The following PPP6R2 variants were observed in gnomAD, a reference collection of about 807,000 sequenced individuals.
PPP6R2 encodes the protein serine/threonine-protein phosphatase 6 regulatory subunit 2.
PPP6R2 carries 62 observed loss-of-function variants against 100.2 expected under a neutral mutation model. The observed-to-expected ratio is 0.62, with a 90% CI of 0.50 to 0.76. PPP6R2 has a LOEUF of 0.76. Ranked by LOEUF, PPP6R2 falls within the 30% of genes least tolerant of loss-of-function variation. The pLI is 0.00. For missense variants in PPP6R2, 1,142 were observed against 1,276.3 expected, an observed-to-expected ratio of 0.89 and a Z score of 1.60; for synonymous variants, 525 against 514.7, an observed-to-expected ratio of 1.02 and a Z score of -0.27.
At chr22:50,443,336 GC>G in intron 22 of PPP6R2, 1 of 152,956 alleles carries the variant, frequency 6.5e-6, no homozygotes, top group South Asian at 2.1e-4. Context: ...GAGCTTCCTC[GC>G]GCCCCCGCCT....
the PPP6R2 span, among the ~76,000 whole-genome samples, chr22:50,331,030 T>C: frequency 6.6e-6 from 1 of 152,180 alleles, no homozygotes; most frequent in Non-Finnish European, 1.5e-5. Flanking sequence ...CCATGACGTG[T>C]GTGGGGACCT....
rs1002228889 is a variant in PPP6R2, at chr22:50,432,360, G to A, written c.1400+31G>A. On this transcript the variant is annotated intron_variant, in intron 12 of 23. Transcript: ENST00000612753. Reference sequence around the variant, plus strand: ...AGCCGCTCGGACGTGGAGGGACCCAGCCTGGCCAGTCAGGGATGCAGAGAC... The same window carrying A: ...AGCCGCTCGGACGTGGAGGGACCCAACCTGGCCAGTCAGGGATGCAGAGAC... 3 of 1,537,302 alleles carry A rather than the reference G, an allele frequency of 2.0e-6. No homozygotes were observed. In the South Asian group the frequency reaches 3.6e-5, roughly 18 times the overall value.
At position 50,393,474 on chromosome 22, in the gene PPP6R2, T is replaced by C. The variant is rs561033787; in HGVS notation, c.-16-419T>C. The C allele has an allele frequency of 1.3e-5, 13 of 984,068 alleles. No homozygotes were observed. In the Admixed American group the frequency reaches 7.5e-4, roughly 56 times the overall value. The allele number at this position is 984,068 out of a possible 1,614,324, so 61.0% of individuals were successfully genotyped here. ...GGAGAGACACCTGGGCGCATTCGCC[T>C]AACAGAACTACAGAGCAAGCAAGAG... On this transcript the variant is annotated intron_variant, in intron 2 of 23. Coordinates refer to ENST00000612753, the MANE Select transcript of PPP6R2 (RefSeq NM_001242898.2).
intron 4 of PPP6R2, among the ~76,000 whole-genome samples, chr22:50,409,706 G>A (rs940837071): frequency 2.0e-5 from 3 of 152,214 alleles, no homozygotes; most frequent in East Asian, 1.9e-4. Flanking sequence ...GATTACAGGC[G>A]TAAGCCACCG....
At chr22:50,399,579 A>G (rs2057694465) in intron 3 of PPP6R2, among the ~76,000 whole-genome samples, 1 of 152,232 alleles carries the variant, frequency 6.6e-6, no homozygotes, top group Non-Finnish European at 1.5e-5. Context: ...ACTCTTCTTG[A>G]AAGTGGAGAA....
intron 1 of PPP6R2, among the ~76,000 whole-genome samples, chr22:50,364,716 CAG>C (rs1375730236): frequency 1.3e-5 from 2 of 152,106 alleles, no homozygotes; most frequent in Admixed American, 6.5e-5. Context: ...GCATTCCAGT[CAG>C]AGGGTCTGTG....
chr22:50,365,038 C>T lies in PPP6R2; in HGVS notation c.-147-6982C>T, dbSNP rs28651973. On this transcript the variant is annotated intron_variant, in intron 1 of 23. Coordinates refer to ENST00000612753, the MANE Select transcript of PPP6R2 (RefSeq NM_001242898.2). ...TATATCTTCCATGTCTTTACTTAAT[C>T]TTTCCTTTAGGTTCTTGAACATATG... 4.3e-3 allele frequency among the ~76,000 whole-genome samples: 640 copies of T among 147,172 alleles called. 4 individuals carry two copies. Among genetic ancestry groups the T allele is most frequent in the African/African-American group, 0.015 (600 of 40,132 alleles).
intron 4 of PPP6R2, 137 bp from the exon 5 acceptor site, chr22:50,414,415 A>T: frequency 1.2e-6 from 1 of 843,846 alleles, no homozygotes; most frequent in Non-Finnish European, 1.7e-6. Context: ...GGGCTTTCTT[A>T]CAATCTTGTC....
rs576177839 is a variant in PPP6R2 at position 50,374,731 on chromosome 22, C to T, written c.-17+2581C>T. Reference sequence around the variant, plus strand: ...GAGATTGAGACCATCTTTGCTAATACGGTGAAACCCCGTGTCTACTAAAAA... The same window carrying T: ...GAGATTGAGACCATCTTTGCTAATATGGTGAAACCCCGTGTCTACTAAAAA... On this transcript the variant is annotated intron_variant, in intron 2 of 23. Transcript: ENST00000612753. 1.1e-4 allele frequency among the ~76,000 whole-genome samples: 17 copies of T among 151,986 alleles called. 1 individual carries two copies. The South Asian group carries it at 3.3e-3, about 30-fold the overall frequency.
chr22:50,406,450 A>T (rs1190939753), intron 3 of PPP6R2, among the ~76,000 whole-genome samples: 1 of 152,218 alleles, frequency 6.6e-6, no homozygotes, highest in East Asian at 1.9e-4. Context: ...TAGGGTCAGA[A>T]AATGTCAGAT....
chr22:50,405,751 T>C (rs1208599569), intron 3 of PPP6R2, among the ~76,000 whole-genome samples: 9 of 63,666 alleles, frequency 1.4e-4, no homozygotes, highest in Non-Finnish European at 1.8e-4. Context: ...GCCTGGCAGG[T>C]GAGTGTGAAG....
chr22:50,438,134 C>T (rs368570982), intron 17 of PPP6R2, 40 bp from the exon 18 acceptor site: 14 of 1,591,116 alleles, frequency 8.8e-6, no homozygotes, highest in Non-Finnish European at 1.2e-5. Context: ...CTGTCTCCCC[C>T]AGACCCTCTG....
chr22:50,370,140 C>T (rs535714076), intron 1 of PPP6R2, among the ~76,000 whole-genome samples: 3 of 141,326 alleles, frequency 2.1e-5, no homozygotes, highest in South Asian at 2.2e-4. Flanking sequence ...CGACAGTGAT[C>T]GACACTTTTT....
In PPP6R2 at chr22:50,434,952, C is replaced by T; in HGVS notation, c.1401-14C>T. ...GGGCCAGGAGGCCGCCCCGATGGTG[C>T]CTGTTGCTTTCAGGGCAGCGGGTGG... On this transcript the variant is annotated splice_polypyrimidine_tract_variant and intron_variant, in intron 12 of 23. Coordinates refer to ENST00000612753, the MANE Select transcript of PPP6R2 (RefSeq NM_001242898.2). 1 of 1,597,496 alleles carries T rather than the reference C, an allele frequency of 6.3e-7. No individual in the cohort carries two copies. Among genetic ancestry groups the T allele is most frequent in the African/African-American group, 1.3e-5 (1 of 74,852 alleles).
chr22:50,350,499 T>C (rs778480285), intron 1 of PPP6R2, among the ~76,000 whole-genome samples: 3 of 151,692 alleles, frequency 2.0e-5, no homozygotes, highest in Non-Finnish European at 4.4e-5. Flanking sequence ...CCAAAGTTGC[T>C]GGGATTACAG....
chr22:50,429,339 A>G (rs1470867248), intron 10 of PPP6R2, among the ~76,000 whole-genome samples: 2 of 152,056 alleles, frequency 1.3e-5, no homozygotes, highest in African/African-American at 4.8e-5. Context: ...CCGTATGTGG[A>G]ATTTTATCAG....
intron 2 of PPP6R2, among the ~76,000 whole-genome samples, chr22:50,372,835 C>T (rs531598834): frequency 2.0e-5 from 3 of 151,822 alleles, no homozygotes; most frequent in East Asian, 3.9e-4. Context: ...ACTACAGGCA[C>T]GCACCACCAC....
chr22:50,369,941 G>A (rs2049677715), intron 1 of PPP6R2, among the ~76,000 whole-genome samples: 1 of 143,858 alleles, frequency 7.0e-6, no homozygotes, highest in Non-Finnish European at 1.5e-5. Context: ...TAGAGGCAAG[G>A]TCTCGCTGTG....
chr22:50,339,198 T>TG (rs1195535842), upstream of PPP6R2, among the ~76,000 whole-genome samples: 3 of 140,866 alleles, frequency 2.1e-5, no homozygotes, highest in Admixed American at 1.4e-4. Context: ...GTAGTGTGTG[T>TG]TGTATGTGGT....
Sources: allele counts gnomAD v4.1 joint callset (sites outside exome capture counted in the v4.1 genomes callset), GRCh38; gene constraint gnomAD v4.1.1; transcripts MANE v1.5; gene names NCBI Gene and HGNC (gene_info 2026-07-23, HGNC 2026-07-21).